Variants in UNC13C observed in about 807,000 individuals in gnomAD.
The protein encoded by UNC13C is unc-13 homolog C.
UNC13C carries 174 observed loss-of-function variants against 245.4 expected under a neutral mutation model. That is an observed-to-expected ratio of 0.71 (90% CI 0.63 to 0.80). The LOEUF (loss-of-function observed/expected upper bound fraction) is 0.80, where lower values mean the gene tolerates loss of function less well. Ranked by LOEUF, UNC13C falls within the 30% of genes least tolerant of loss-of-function variation. The pLI is 0.00. For missense variants in UNC13C, 2,829 were observed against 2,602.9 expected, an observed-to-expected ratio of 1.09 and a Z score of -1.89; for synonymous variants, 992 against 895.1, an observed-to-expected ratio of 1.11 and a Z score of -1.93.
At position 54,080,655 on chromosome 15, in the gene UNC13C, C is replaced by T. The variant is rs1199272974; in HGVS notation, c.2984-62363C>T. Among the ~76,000 whole-genome samples, 4 of 151,946 alleles carry T rather than the reference C, an allele frequency of 2.6e-5. No individual in the cohort carries two copies. In the East Asian group the frequency reaches 5.8e-4, roughly 22 times the overall value. On this transcript the variant is annotated intron_variant, in intron 2 of 32. Transcript: ENST00000260323. ...TGGATCTTTTGTATTTTTGTGGTGTCGGGTGTGATGACACCTTTATCAATT... is the reference window on the plus strand; with the variant it reads ...TGGATCTTTTGTATTTTTGTGGTGTTGGGTGTGATGACACCTTTATCAATT...
chr15:54,321,144 G>T, intron 13 of UNC13C: 1 of 517,102 alleles, frequency 1.9e-6, no homozygotes. Flanking sequence ...GCTCTGACAG[G>T]GCTTTTCTTA....
At chr15:54,186,112 A>T (rs1415436271) in intron 4 of UNC13C, among the ~76,000 whole-genome samples, 1 of 151,886 alleles carries the variant, frequency 6.6e-6, no homozygotes, top group Non-Finnish European at 1.5e-5. Flanking sequence ...ATTTTTGCAC[A>T]TTGATTTTGT....
At chr15:54,263,781 C>T (rs1027898477) in intron 8 of UNC13C, among the ~76,000 whole-genome samples, 4 of 152,108 alleles carry the variant, frequency 2.6e-5, no homozygotes, top group African/African-American at 9.7e-5. Context: ...TATATTCTAT[C>T]TATTTCTCAA....
chr15:54,040,513 ACT>A (rs1896766281), intron 2 of UNC13C, among the ~76,000 whole-genome samples: 1 of 152,000 alleles, frequency 6.6e-6, no homozygotes, highest in Non-Finnish European at 1.5e-5. Context: ...TTTGAGAAAC[ACT>A]CTCTAGGGGA....
At chr15:54,432,377 C>G (rs886122053) in intron 19 of UNC13C, among the ~76,000 whole-genome samples, 2 of 151,570 alleles carry the variant, frequency 1.3e-5, no homozygotes, top group Non-Finnish European at 3.0e-5. Context: ...CAAGATTTCA[C>G]AAACAAGCAG....
At chr15:54,452,570 A>G (rs1296795776) in intron 19 of UNC13C, among the ~76,000 whole-genome samples, 2 of 152,200 alleles carry the variant, frequency 1.3e-5, no homozygotes, top group African/African-American at 2.4e-5. Context: ...CCTGGACAGC[A>G]TGCTCAGGTA....
chr15:54,606,044 C>T (rs1000908586), intron 30 of UNC13C, among the ~76,000 whole-genome samples: 1 of 152,320 alleles, frequency 6.6e-6, no homozygotes, highest in South Asian at 2.1e-4. Context: ...CTGTTTCCCA[C>T]TTCTGGTGAG....
chr15:53,916,158 A>G, the UNC13C span, among the ~76,000 whole-genome samples: 5 of 152,190 alleles, frequency 3.3e-5, no homozygotes, highest in African/African-American at 1.2e-4. Flanking sequence ...GTAATAGAAG[A>G]GCTTGGATCC....
At chr15:54,282,703 T>G (rs954728170) in intron 10 of UNC13C, among the ~76,000 whole-genome samples, 3 of 152,096 alleles carry the variant, frequency 2.0e-5, no homozygotes, top group Non-Finnish European at 4.4e-5. Flanking sequence ...CTACCTGCAC[T>G]CAGTGGGTCC....
At chr15:54,203,824 G>GTA (rs1481635907) in intron 4 of UNC13C, among the ~76,000 whole-genome samples, 3 of 52,490 alleles carry the variant, frequency 5.7e-5, no homozygotes, top group Admixed American at 3.8e-4. Context: ...ATATATACGT[G>GTA]TATGTATATA....
chr15:54,082,436 C>A (rs34490963), intron 2 of UNC13C, among the ~76,000 whole-genome samples: 1 of 151,970 alleles, frequency 6.6e-6, no homozygotes, highest in Non-Finnish European at 1.5e-5. Flanking sequence ...TTACATAGCC[C>A]CATGTTTCTT....
chr15:54,179,821 A>G (rs1304095885), intron 4 of UNC13C, among the ~76,000 whole-genome samples: 2 of 152,080 alleles, frequency 1.3e-5, no homozygotes, highest in Non-Finnish European at 2.9e-5. Context: ...GATAAATAAG[A>G]AATGATCACA....
intron 19 of UNC13C, among the ~76,000 whole-genome samples, chr15:54,450,511 G>A (rs1891113006): frequency 6.6e-6 from 1 of 152,226 alleles, no homozygotes; most frequent in African/African-American, 2.4e-5. Context: ...CTTGCAGATG[G>A]ATCTCAGACT....
intron 24 of UNC13C, among the ~76,000 whole-genome samples, chr15:54,524,704 CATTCTTAG>C (rs59478423): frequency 0.028 from 4,288 of 152,178 alleles, 170 homozygotes; most frequent in African/African-American, 0.094. Flanking sequence ...ATTTAGTTGG[CATTCTTAG>C]ATTCTCTTAC....
the UNC13C span, among the ~76,000 whole-genome samples, chr15:53,958,523 T>G: frequency 6.6e-6 from 1 of 152,276 alleles, no homozygotes; most frequent in African/African-American, 2.4e-5. Flanking sequence ...TTCAGCTTAT[T>G]GAGGAGGAAA....
intron 30 of UNC13C, chr15:54,611,522 G>A (rs1900093930): frequency 1.3e-5 from 2 of 152,094 alleles, no homozygotes; most frequent in African/African-American, 4.8e-5. Context: ...CCATCCATAG[G>A]TTGGCTGAGT....
At chr15:54,350,369 C>G (rs561612438) in intron 17 of UNC13C, among the ~76,000 whole-genome samples, 2 of 152,160 alleles carry the variant, frequency 1.3e-5, no homozygotes, top group East Asian at 3.9e-4. Flanking sequence ...AAACACCAAA[C>G]TCAGTATGTG....
chr15:54,568,081 G>A (rs925671077), intron 30 of UNC13C, 134 bp downstream of exon 30: 1 of 573,214 alleles, frequency 1.7e-6, no homozygotes, highest in Non-Finnish European at 2.7e-6. Context: ...GGAGAGTTAT[G>A]GTTAATAGAG....
chr15:54,413,643 A>G (rs1157607101), intron 18 of UNC13C, among the ~76,000 whole-genome samples: 6 of 152,208 alleles, frequency 3.9e-5, no homozygotes, highest in Admixed American at 3.9e-4. Context: ...GCCTTATTAG[A>G]CAAATTGATA....
Sources: allele counts gnomAD v4.1 joint callset (sites outside exome capture counted in the v4.1 genomes callset), GRCh38; gene constraint gnomAD v4.1.1; transcripts MANE v1.5; gene names NCBI Gene and HGNC (gene_info 2026-07-23, HGNC 2026-07-21).